Variants in EFCAB3 observed in about 807,000 individuals in gnomAD.
EFCAB3 encodes the protein EF-hand calcium binding domain 3.
Under a neutral mutation model 42.2 loss-of-function variants are expected in EFCAB3, and 36 were observed. The ratio of observed to expected loss-of-function variants is 0.85; its 90% CI spans 0.65 to 1.13. EFCAB3 has a LOEUF of 1.13. Among genes scored for constraint, EFCAB3 ranks in the 50% most tolerant of loss-of-function variants. EFCAB3 has a pLI of 0.00. For synonymous variants in EFCAB3, 170 were observed against 172.8 expected (o/e 0.98, Z 0.13); for missense variants, 418 against 505.1 (o/e 0.83, Z 1.65).
At chr17:62,381,324 G>A (rs1273266077) in intron 1 of EFCAB3, among the ~76,000 whole-genome samples, 2 of 151,992 alleles carry the variant, frequency 1.3e-5, no homozygotes, top group Non-Finnish European at 2.9e-5. Flanking sequence ...CAAAGGACAT[G>A]AACTCATCAT....
intron 2 of EFCAB3, 103 bp from the exon 3 acceptor site, chr17:62,387,237 G>A (rs770283973): frequency 1.7e-5 from 13 of 785,210 alleles, no homozygotes; most frequent in East Asian, 2.9e-5. Context: ...TGGATACATT[G>A]AGATGCTACA....
chr17:62,379,386 C>T (rs528825865), upstream of EFCAB3, among the ~76,000 whole-genome samples: 1 of 142,424 alleles, frequency 7.0e-6, no homozygotes, highest in South Asian at 2.2e-4. Flanking sequence ...TGCTACTGCA[C>T]TCAACCCTGG....
chr17:62,401,212 C>CA (rs1567726390), intron 6 of EFCAB3, among the ~76,000 whole-genome samples: 1 of 152,140 alleles, frequency 6.6e-6, no homozygotes, highest in Non-Finnish European at 1.5e-5. Context: ...GGGTAGATTG[C>CA]AAAAATTTTC....
At chr17:62,411,493 GC>G (rs1416963442) in intron 8 of EFCAB3, among the ~76,000 whole-genome samples, 1 of 152,172 alleles carries the variant, frequency 6.6e-6, no homozygotes, top group African/African-American at 2.4e-5. Context: ...CAGAGGCCAA[GC>G]ACAGTGGCTC....
upstream of EFCAB3, chr17:62,378,162 G>A (rs115257211): frequency 1.1e-3 from 698 of 643,002 alleles, 4 homozygotes; most frequent in African/African-American, 0.011. Context: ...AATGAACACC[G>A]TTATCTCTCC....
At chr17:62,408,506 A>G (rs574608998) in intron 8 of EFCAB3, among the ~76,000 whole-genome samples, 57 of 152,318 alleles carry the variant, frequency 3.7e-4, no homozygotes, top group Middle Eastern at 3.4e-3. Flanking sequence ...TGTCCCACAC[A>G]ATCAAAACCT....
At chr17:62,370,483 C>T (rs1309248985) in intron 1 of EFCAB3, among the ~76,000 whole-genome samples, 3 of 151,994 alleles carry the variant, frequency 2.0e-5, no homozygotes, top group Non-Finnish European at 2.9e-5. Context: ...AGTGGAACCT[C>T]GTCTTTACTA....
chr17:62,382,420 T>TTG (rs145389859), intron 1 of EFCAB3, among the ~76,000 whole-genome samples: 3,479 of 150,086 alleles, frequency 0.023, 134 homozygotes, highest in African/African-American at 0.078. Flanking sequence ...TAGTTACTAT[T>TTG]TGTGTGTGTG....
chr17:62,371,456 G>C (rs961440276), intron 1 of EFCAB3, among the ~76,000 whole-genome samples: 19 of 152,164 alleles, frequency 1.2e-4, no homozygotes, highest in African/African-American at 4.1e-4. Context: ...TACTCAGGAG[G>C]CTGAGGCAGG....
chr17:62,370,379 G>T, intron 1 of EFCAB3: 1 of 1,526,830 alleles, frequency 6.5e-7, no homozygotes, highest in Non-Finnish European at 8.9e-7. Flanking sequence ...TTTGGGCTGG[G>T]CATGGTGATT....
intron 4 of EFCAB3, among the ~76,000 whole-genome samples, chr17:62,393,325 T>C (rs2070320223): frequency 6.6e-6 from 1 of 152,146 alleles, no homozygotes; most frequent in South Asian, 2.1e-4. Flanking sequence ...GTGGACAGAC[T>C]GCAATGGCTG....
chr17:62,388,203 T>C (rs764020951), intron 3 of EFCAB3, among the ~76,000 whole-genome samples: 10 of 151,420 alleles, frequency 6.6e-5, no homozygotes, highest in Admixed American at 1.3e-4. Context: ...AAAGCGAGAC[T>C]ACGTCTCGAA....
intron 9 of EFCAB3, among the ~76,000 whole-genome samples, chr17:62,415,446 G>A (rs1273962506): frequency 2.0e-5 from 3 of 152,182 alleles, no homozygotes; most frequent in Admixed American, 6.5e-5. Context: ...AAGATTAAGT[G>A]TAAGGGCCTG....
At chr17:62,377,577 A>C (rs2070160875), upstream of EFCAB3, among the ~76,000 whole-genome samples, 1 of 152,234 alleles carries the variant, frequency 6.6e-6, no homozygotes, top group Non-Finnish European at 1.5e-5. Flanking sequence ...AATTCACTAG[A>C]AAGAAATATC....
At chr17:62,389,209 C>G (rs1394428295) in intron 3 of EFCAB3, among the ~76,000 whole-genome samples, 1 of 152,136 alleles carries the variant, frequency 6.6e-6, no homozygotes, top group Non-Finnish European at 1.5e-5. Flanking sequence ...AAGGGCTGTC[C>G]CTAGTTGTCT....
chr17:62,389,989 T>C (rs1342739546), intron 3 of EFCAB3, among the ~76,000 whole-genome samples: 1 of 152,088 alleles, frequency 6.6e-6, no homozygotes, highest in Non-Finnish European at 1.5e-5. Context: ...GGTTTCACCA[T>C]GTTAGCCAGG....
chr17:62,382,566 C>T (rs1015172382), intron 1 of EFCAB3, among the ~76,000 whole-genome samples: 1 of 152,208 alleles, frequency 6.6e-6, no homozygotes, highest in Non-Finnish European at 1.5e-5. Flanking sequence ...CTTTGTATCA[C>T]CAACATCTCC....
intron 6 of EFCAB3, among the ~76,000 whole-genome samples, chr17:62,401,126 G>C (rs529762342): frequency 6.6e-6 from 1 of 152,114 alleles, no homozygotes; most frequent in African/African-American, 2.4e-5. Flanking sequence ...CCCACTTTTT[G>C]ATTAGGTTGT....
chr17:62,393,631 C>T lies in EFCAB3; in HGVS notation c.354C>T (p.Phe118=). 6.2e-7 allele frequency: 1 copy of T among 1,614,016 alleles called. No individual in the cohort carries two copies. The highest frequency in any genetic ancestry group is 8.5e-7 in the Non-Finnish European group (1 of 1,179,954). ...AGGTTCTAACAGATAAGAATCTCTT[C>T]CTCAAGGCAGTGGGTGAGTAGAGAT... is the stretch of plus-strand genomic sequence containing the variant. ...FIKVLTDKNL[F]LKAVVPEKET... is the part of the protein sequence containing the mutation. Residue 118 remains phenylalanine (F), a synonymous_variant, in exon 5 of 10, where the codon TTC becomes TTT. Coordinates refer to ENST00000305286, the MANE Select transcript of EFCAB3 (RefSeq NM_173503.4).
Sources: gnomAD v4.1 joint callset for allele counts (sites outside exome capture counted in the v4.1 genomes callset) on GRCh38, gnomAD v4.1.1 for gene constraint, MANE v1.5 for transcripts, NCBI Gene and HGNC (gene_info 2026-07-23, HGNC 2026-07-21) for gene names.